The following GLI3 variants were observed in gnomAD, a reference collection of about 807,000 sequenced individuals.
The protein encoded by GLI3 is transcription activator GLI3.
In GLI3, 20 loss-of-function variants were observed where a neutral mutation model predicts 100.8. The observed-to-expected ratio is 0.20, with a 90% confidence interval of 0.14 to 0.29. The LOEUF (loss-of-function observed/expected upper bound fraction) is 0.29, where lower values mean the gene tolerates loss of function less well. Among genes scored for constraint, GLI3 ranks in the 10% least tolerant of loss-of-function variants. The pLI is 1.00. For missense variants in GLI3, 2,040 were observed against 2,128.5 expected (o/e 0.96, Z 0.82); for synonymous variants, 938 against 860.5 (o/e 1.09, Z -1.58).
chr7:41,967,858 A>G lies in GLI3; in HGVS notation c.2169T>C (p.Tyr723=). 1 of 1,614,170 alleles carries G rather than the reference A, an allele frequency of 6.2e-7. No individual in the cohort carries two copies. The highest frequency in any genetic ancestry group is 8.5e-7 in the Non-Finnish European group (1 of 1,180,028). ...CSSQQSPISN[Y]SNSGLELPLT... is the part of the protein sequence containing the mutation. Reference sequence around the variant, plus strand: ...GAGGAAGCTCGAGCCCACTGTTGGAATAGTTGCTGATGGGGGACTGTTGGC... The same window carrying G: ...GAGGAAGCTCGAGCCCACTGTTGGAGTAGTTGCTGATGGGGGACTGTTGGC... The change falls in exon 14 of 15, where the codon TAT becomes TAC. Residue 723 remains tyrosine, a synonymous_variant. Transcript: ENST00000395925.
At chr7:42,151,415 A>G (rs995129572) in intron 2 of GLI3, 1 of 152,242 alleles carries the variant, frequency 6.6e-6, no homozygotes, top group East Asian at 1.9e-4. Context: ...CCAAAAGACG[A>G]AAGCTGTCTA....
At chr7:42,043,295 T>A (rs1784180627) in intron 6 of GLI3, among the ~76,000 whole-genome samples, 1 of 152,230 alleles carries the variant, frequency 6.6e-6, no homozygotes, top group Admixed American at 6.5e-5. Context: ...AAGAATATAG[T>A]GCCTTAAGAA....
chr7:41,970,110 A>C (rs561218616), intron 13 of GLI3, among the ~76,000 whole-genome samples: 4 of 152,360 alleles, frequency 2.6e-5, no homozygotes, highest in South Asian at 2.1e-4. Context: ...AAATGTTAAA[A>C]AAATGAAAAC....
rs1026284077 is a variant in GLI3 at position 41,963,343 on chromosome 7, A to G, written c.*987T>C. 6.6e-6 allele frequency: 1 copy of G among 152,232 alleles called. No individual in the cohort carries two copies. The highest frequency in any genetic ancestry group is 1.5e-5 in the Non-Finnish European group (1 of 68,042). The allele number at this position is 152,232 out of a possible 1,614,324, so 9.4% of individuals were successfully genotyped here. On this transcript the variant is annotated 3_prime_UTR_variant, in exon 15 of 15. Coordinates refer to ENST00000395925, the MANE Select transcript of GLI3 (RefSeq NM_000168.6). ...ATATACTTAGAGCTATATATAATCAATTCTCAGTTAAAATGGGAAAGAGAT... is the reference window on the plus strand; with the variant it reads ...ATATACTTAGAGCTATATATAATCAGTTCTCAGTTAAAATGGGAAAGAGAT...
rs140808453 is a variant in GLI3 at position 42,050,470 on chromosome 7, G to A, written c.474-1774C>T. Among the ~76,000 whole-genome samples, 14 of 152,262 alleles carry A rather than the reference G, an allele frequency of 9.2e-5. No homozygotes were observed. In the East Asian group the frequency reaches 1.9e-3, roughly 21 times the overall value. Reference sequence around the variant, plus strand: ...CTCAGCCCCTAAGCTCCATTTAGACGTGTCCGCCATTGGTTAAATCTTACA... The same window carrying A: ...CTCAGCCCCTAAGCTCCATTTAGACATGTCCGCCATTGGTTAAATCTTACA... On this transcript the variant is annotated intron_variant, in intron 4 of 14. Coordinates refer to ENST00000395925, the MANE Select transcript of GLI3 (RefSeq NM_000168.6).
chr7:42,151,899 A>AG (rs1049146605), intron 2 of GLI3: 1 of 151,778 alleles, frequency 6.6e-6, no homozygotes, highest in Non-Finnish European at 1.5e-5. Context: ...CTAGAAACTC[A>AG]GAAAAAAAAA....
chr7:41,967,588 G>T lies in GLI3; in HGVS notation c.2431+8C>A, dbSNP rs368025121. 4.4e-6 allele frequency: 7 copies of T among 1,596,728 alleles called. No individual in the cohort carries two copies. The highest frequency in any genetic ancestry group is 1.7e-5 in the Admixed American group (1 of 59,916). On this transcript the variant is annotated splice_region_variant and intron_variant, in intron 14 of 14. Coordinates refer to ENST00000395925, the MANE Select transcript of GLI3 (RefSeq NM_000168.6). ...CTGAGCAGATGCATGGTCTGATGTA[G>T]AACTCACCATTTCCTATGAGAGGAG...
At chr7:42,129,699 C>T (rs1786224873) in intron 3 of GLI3, among the ~76,000 whole-genome samples, 2 of 152,034 alleles carry the variant, frequency 1.3e-5, no homozygotes, top group Non-Finnish European at 2.9e-5. Context: ...TAATCTCAGC[C>T]ACTAGGGAGG....
At chr7:41,992,242 A>C (rs554329597) in intron 10 of GLI3, among the ~76,000 whole-genome samples, 15 of 152,260 alleles carry the variant, frequency 9.9e-5, no homozygotes, top group Non-Finnish European at 2.1e-4. Flanking sequence ...GATGTGAAAG[A>C]CATTATGGAA....
At chr7:42,139,108 A>G (rs1057434137) in intron 3 of GLI3, among the ~76,000 whole-genome samples, 1 of 152,208 alleles carries the variant, frequency 6.6e-6, no homozygotes, top group African/African-American at 2.4e-5. Flanking sequence ...GCCCTGCTGC[A>G]CAATTTCTCT....
chr7:41,967,924 C>T lies in GLI3; in HGVS notation c.2104-1G>A, dbSNP rs1787233621. ...GACCACCAGGGCTTGGCTGAGATGT[C>T]TGTTGGGGTCAAGTGGAAAGGAAAG... is the stretch of plus-strand genomic sequence containing the variant. On this transcript the variant is annotated splice_acceptor_variant, in intron 13 of 14. Coordinates refer to ENST00000395925, the MANE Select transcript of GLI3 (RefSeq NM_000168.6). LOFTEE classifies it high-confidence loss of function. 1 of 1,613,476 alleles carries T rather than the reference C, an allele frequency of 6.2e-7. No homozygotes were observed. The highest frequency in any genetic ancestry group is 8.5e-7 in the Non-Finnish European group (1 of 1,179,600).
intron 3 of GLI3, among the ~76,000 whole-genome samples, chr7:42,080,827 G>A (rs534341997): frequency 8.5e-5 from 13 of 152,090 alleles, no homozygotes; most frequent in Admixed American, 7.2e-4. Context: ...TTCCATCATC[G>A]GCCCAAAAAG....
At chr7:41,996,176 T>C (rs1243639827) in intron 10 of GLI3, among the ~76,000 whole-genome samples, 1 of 152,248 alleles carries the variant, frequency 6.6e-6, no homozygotes, top group Non-Finnish European at 1.5e-5. Context: ...GTTCATACAT[T>C]TGTATAAACT....
At chr7:42,081,691 G>C (rs1784999632) in intron 3 of GLI3, among the ~76,000 whole-genome samples, 1 of 152,112 alleles carries the variant, frequency 6.6e-6, no homozygotes, top group Admixed American at 6.5e-5. Flanking sequence ...AATAGTTATA[G>C]TATCCTCAGG....
At chr7:42,232,801 A>C (rs1242478446) in intron 1 of GLI3, among the ~76,000 whole-genome samples, 1 of 152,224 alleles carries the variant, frequency 6.6e-6, no homozygotes, top group Non-Finnish European at 1.5e-5. Context: ...CTTATTAACT[A>C]TGTAATGGCT....
At chr7:42,076,289 C>T (rs10951666) in intron 4 of GLI3, among the ~76,000 whole-genome samples, 45,717 of 152,074 alleles carry the variant, frequency 0.3, 8,701 homozygotes, top group East Asian at 0.54. Flanking sequence ...CTGACATTCC[C>T]ATCAATCAAG....
chr7:42,200,416 T>G (rs1047920199), intron 2 of GLI3, among the ~76,000 whole-genome samples: 6 of 152,170 alleles, frequency 3.9e-5, no homozygotes, highest in Admixed American at 3.3e-4. Flanking sequence ...CTTCAAATAT[T>G]TGTAAGTACT....
At chr7:42,030,476 T>C (rs565127967) in intron 7 of GLI3, among the ~76,000 whole-genome samples, 1 of 152,314 alleles carries the variant, frequency 6.6e-6, no homozygotes, top group African/African-American at 2.4e-5. Flanking sequence ...TTTGACAACA[T>C]GTCTGTAAAG....
At chr7:42,037,986 G>A (rs1784053013) in intron 7 of GLI3, among the ~76,000 whole-genome samples, 1 of 152,154 alleles carries the variant, frequency 6.6e-6, no homozygotes, top group Admixed American at 6.5e-5. Flanking sequence ...CAAGAGACCT[G>A]GGCAGAGAGC....
Sources: gnomAD v4.1 joint callset for allele counts (sites outside exome capture counted in the v4.1 genomes callset) on GRCh38, gnomAD v4.1.1 for gene constraint, MANE v1.5 for transcripts, NCBI Gene and HGNC (gene_info 2026-07-23, HGNC 2026-07-21) for gene names.